Variants in SBNO2 observed in about 807,000 individuals in gnomAD.
SBNO2 encodes strawberry notch homolog 2, also known as protein strawberry notch homolog 2.
Under a neutral mutation model 146.3 loss-of-function variants are expected in SBNO2, and 89 were observed. The ratio of observed to expected loss-of-function variants is 0.61; its 90% CI spans 0.51 to 0.73. The LOEUF (loss-of-function observed/expected upper bound fraction) is 0.73, where lower values mean the gene tolerates loss of function less well. Ranked by LOEUF, SBNO2 falls within the 30% of genes least tolerant of loss-of-function variation. The pLI, the probability that SBNO2 is intolerant of heterozygous loss-of-function variation, is 0.00. For synonymous variants in SBNO2, 1,147 were observed against 892.6 expected, an observed-to-expected ratio of 1.29 and a Z score of -5.08; for missense variants, 2,092 against 2,003.7, an observed-to-expected ratio of 1.04 and a Z score of -0.84.
chr19:1,165,383 G>C (rs373081871), intron 1 of SBNO2, among the ~76,000 whole-genome samples: 1 of 152,300 alleles, frequency 6.6e-6, no homozygotes, highest in East Asian at 1.9e-4. Context: ...GCTGAGATGC[G>C]AGCAGGGTGC....
chr19:1,167,450 C>T (rs556887617), intron 1 of SBNO2, among the ~76,000 whole-genome samples: 8 of 152,184 alleles, frequency 5.3e-5, no homozygotes, highest in Non-Finnish European at 7.3e-5. Flanking sequence ...TGAGCTCGGC[C>T]GGGGGCGGGA....
Position 1,108,921 on chromosome 19 carries a change from C to T in SBNO2, c.3474G>A (p.Gly1158=), listed in dbSNP as rs1370446179. Residue 1158 remains glycine, a synonymous_variant, in exon 31 of 32, where the codon GGG becomes GGA. Transcript: ENST00000361757. ...GCATGTAGTGGTGCCGCAGCCGCAG[C>T]CCCTGCAGGCAGTCCTTACCCTCCT... ...LAQEGKDCLQ[G]LRLRHHYMLC... 5 of 1,573,980 alleles carry T rather than the reference C, an allele frequency of 3.2e-6. No individual in the cohort carries two copies. Among genetic ancestry groups the T allele is most frequent in the Middle Eastern group, 1.8e-4 (1 of 5,598 alleles).
chr19:1,138,709 C>T (rs140169606), intron 4 of SBNO2, among the ~76,000 whole-genome samples: 3,444 of 149,840 alleles, frequency 0.023, 52 homozygotes, highest in African/African-American at 0.039. Flanking sequence ...CCATCACAGA[C>T]GGACACAGTG....
Position 1,113,565 on chromosome 19 carries a change from G to A in SBNO2, c.2217C>T (p.Asp739=). The change falls in exon 19 of 32, where the codon GAC becomes GAT. Residue 739 remains aspartate, a synonymous_variant. Transcript: ENST00000361757. ...LPVNTLDELI[D]QLGGPQRVAE... ...CCACCCGCTGGGGGCCGCCCAGCTG[G>A]TCGATGAGCTCGTCCAGGGTGTTGA... The A allele has an allele frequency of 6.2e-7, 1 of 1,602,162 alleles. No individual in the cohort carries two copies. The highest frequency in any genetic ancestry group is 8.5e-7 in the Non-Finnish European group (1 of 1,175,562).
In SBNO2 at chr19:1,109,171, T is replaced by A. The variant is rs772037840; in HGVS notation, c.3389A>T (p.Tyr1130Phe). 15 of 1,559,616 alleles carry A rather than the reference T, an allele frequency of 9.6e-6. No homozygotes were observed. Among genetic ancestry groups the A allele is most frequent in the Non-Finnish European group, 1.3e-5 (15 of 1,152,796 alleles). The stretch of plus-strand genomic sequence containing the variant: ...GCTGCAGTGCGTCAGCGACAAAGCG[T>A]AGCCACTCTCCCAGGGCTCCTTGGC... ...EEAKEPWESGYALSLTHCSHS... is the reference protein window; with the variant it reads ...EEAKEPWESGFALSLTHCSHS... Residue 1130 changes from tyrosine to phenylalanine, a missense_variant, in exon 30 of 32, where the codon TAC (tyrosine) becomes TTC (phenylalanine). Physicochemically the swap from Tyr to Phe is conservative, Grantham distance 22 (BLOSUM62 3). Transcript: ENST00000361757. The surrounding 1 kb of genome is among the most constrained non-coding windows in gnomAD (Gnocchi z 4.2).
In SBNO2 at chr19:1,117,444, G is replaced by A. The variant is rs1599832986; in HGVS notation, c.1583C>T (p.Ser528Leu). The change falls in exon 15 of 32, where the codon TCG becomes TTG. Residue 528 changes from serine to leucine, a missense_variant. By Grantham distance (145) the Ser-to-Leu change is moderately radical (BLOSUM62 -2). Transcript: ENST00000361757. ...QQAADWIGLE[S>L]RKSLWGQFWS... is the part of the protein sequence containing the mutation. The stretch of plus-strand genomic sequence containing the variant: ...GAACTGGCCCCACAGGGACTTGCGC[G>A]ACTCCAGGCCGATCCAGTCGGCCGC... 4.4e-6 allele frequency: 7 copies of A among 1,589,468 alleles called. No homozygotes were observed. Among genetic ancestry groups the A allele is most frequent in the African/African-American group, 1.3e-5 (1 of 74,364 alleles).
intron 1 of SBNO2, among the ~76,000 whole-genome samples, chr19:1,166,545 T>C (rs191629336): frequency 1.3e-5 from 2 of 152,034 alleles, no homozygotes; most frequent in South Asian, 2.1e-4. Flanking sequence ...GTAATCCCAG[T>C]GCTGGGAGGA....
At chr19:1,166,335 C>T (rs894274512) in intron 1 of SBNO2, among the ~76,000 whole-genome samples, 3 of 152,084 alleles carry the variant, frequency 2.0e-5, no homozygotes, top group Non-Finnish European at 4.4e-5. Flanking sequence ...GGCCGGGCTG[C>T]GGGGCTCCAA....
Position 1,114,328 on chromosome 19 carries a change from G to C in SBNO2, c.1980C>G (p.Asp660Glu). ...AGTTGAAGTCGCTGTCCAGGCCAGG[G>C]TCCGACTCCGTGCTGCTGTCGTCAC... is the stretch of plus-strand genomic sequence containing the variant. ...RISDDSSTES[D>E]PGLDSDFNSS... Residue 660 changes from aspartate (D) to glutamate (E), a missense_variant, in exon 18 of 32, where the codon GAC becomes GAG. Physicochemically the swap from Asp to Glu is conservative, Grantham distance 45. Coordinates refer to ENST00000361757, the MANE Select transcript of SBNO2 (RefSeq NM_014963.3). 5 of 1,556,396 alleles carry C rather than the reference G, an allele frequency of 3.2e-6. No individual in the cohort carries two copies. The highest frequency in any genetic ancestry group is 4.3e-6 in the Non-Finnish European group (5 of 1,150,232).
intron 11 of SBNO2, chr19:1,120,278 A>AC (rs2079885129): frequency 2.4e-5 from 12 of 502,394 alleles, no homozygotes; most frequent in Non-Finnish European, 4.3e-5. Flanking sequence ...CACACCGAGG[A>AC]TGGGGCCTCC....
rs996248710 is a variant in SBNO2, at chr19:1,120,105, C to T, written c.1150-82G>A. 18 of 1,080,848 alleles carry T rather than the reference C, an allele frequency of 1.7e-5. No homozygotes were observed. In the East Asian group the frequency reaches 4.2e-4, roughly 25 times the overall value. 67.0% of individuals were successfully genotyped at this position (1,080,848 alleles called of 1,614,324 possible). On this transcript the variant is annotated intron_variant, in intron 11 of 31. Transcript: ENST00000361757. ...CAGGTCCTGACCACCCAAGACCCCA[C>T]CTTCCTGGTGGGGGGCAAACGCCTG...
chr19:1,128,536 G>A (rs2079993485), intron 4 of SBNO2, among the ~76,000 whole-genome samples: 1 of 152,044 alleles, frequency 6.6e-6, no homozygotes, highest in Non-Finnish European at 1.5e-5. Flanking sequence ...GGGATTACAG[G>A]CACGTGCCAC....
chr19:1,112,795 C>T lies in SBNO2; in HGVS notation c.2379+23G>A, dbSNP rs1294466699. On this transcript the variant is annotated intron_variant, in intron 20 of 31. Coordinates refer to ENST00000361757, the MANE Select transcript of SBNO2 (RefSeq NM_014963.3). The surrounding 1 kb of genome is among the most constrained non-coding windows in gnomAD (Gnocchi z 5.9). ...TGCCTCTTGGGTCCCGTGGGCCGCG[C>T]CCAGTGCACTGCAGCCCCGCACCTT... is the stretch of plus-strand genomic sequence containing the variant. 1 of 1,554,030 alleles carries T rather than the reference C, an allele frequency of 6.4e-7. No homozygotes were observed. The highest frequency in any genetic ancestry group is 8.7e-7 in the Non-Finnish European group (1 of 1,150,760).
chr19:1,120,553 A>G (rs2079889497), intron 11 of SBNO2, among the ~76,000 whole-genome samples: 1 of 152,046 alleles, frequency 6.6e-6, no homozygotes, highest in South Asian at 2.1e-4. Context: ...TAGTTTTGGT[A>G]GAGACGGGGT....
Position 1,112,615 on chromosome 19 carries a change from G to GC in SBNO2, c.2380-79dup. The GC allele has an allele frequency of 6.7e-7, 1 of 1,483,594 alleles. No individual in the cohort carries two copies. Among genetic ancestry groups the GC allele is most frequent in the East Asian group, 2.5e-5 (1 of 40,672 alleles). The allele number at this position is 1,483,594 out of a possible 1,614,324, so 91.9% of individuals were successfully genotyped here. On this transcript the variant is annotated intron_variant, in intron 20 of 31. Transcript: ENST00000361757. The surrounding 1 kb of genome is among the most constrained non-coding windows in gnomAD (Gnocchi z 5.9). ...TTGCCGCCACCTCCTCACCCACTAG[G>GC]CCCCCGCTCCAGGTCACCAGGACGT...
intron 4 of SBNO2, among the ~76,000 whole-genome samples, chr19:1,142,629 G>A (rs932164648): frequency 6.6e-6 from 1 of 152,054 alleles, no homozygotes; most frequent in Non-Finnish European, 1.5e-5. Flanking sequence ...GCAGTGAGCC[G>A]AGATTGCACC....
In SBNO2 at chr19:1,174,239, C is replaced by T. The variant is rs1216947535; in HGVS notation, c.-194G>A. 1 of 151,764 alleles carries T rather than the reference C, an allele frequency of 6.6e-6. No homozygotes were observed. Among genetic ancestry groups the T allele is most frequent in the African/African-American group, 2.4e-5 (1 of 41,328 alleles). The allele number at this position is 151,764 out of a possible 1,614,324, so 9.4% of individuals were successfully genotyped here. On this transcript the variant is annotated 5_prime_UTR_variant, in exon 1 of 32. Coordinates refer to ENST00000361757, the MANE Select transcript of SBNO2 (RefSeq NM_014963.3). Reference sequence around the variant, plus strand: ...TTTCTCCGAGCCTCGCAGCTGCCGCCGCTCACTTCCGGGTTTCGGGCGCCA... The same window carrying T: ...TTTCTCCGAGCCTCGCAGCTGCCGCTGCTCACTTCCGGGTTTCGGGCGCCA...
chr19:1,156,754 T>C (rs2080293268), intron 1 of SBNO2, among the ~76,000 whole-genome samples: 1 of 152,224 alleles, frequency 6.6e-6, no homozygotes. Context: ...GGCACAGATG[T>C]GTGTGATCCC....
intron 17 of SBNO2, 107 bp from the exon 18 acceptor site, chr19:1,114,529 G>A (rs1246698931): frequency 2.1e-6 from 2 of 943,692 alleles, no homozygotes; most frequent in East Asian, 3.0e-5. Context: ...AGCTGGGGAG[G>A]TCCATCCGAG....
Sources: allele counts gnomAD v4.1 joint callset (sites outside exome capture counted in the v4.1 genomes callset), GRCh38; gene constraint gnomAD v4.1.1; non-coding constraint Gnocchi (gnomAD v3.1); transcripts MANE v1.5; gene names NCBI Gene and HGNC (gene_info 2026-07-23, HGNC 2026-07-21).